Variants in NEU4 observed in about 807,000 individuals in gnomAD.
NEU4 encodes the protein sialidase-4.
NEU4 carries 7 observed loss-of-function variants against 9.9 expected under a neutral mutation model. The observed-to-expected ratio is 0.71, with a 90% CI of 0.40 to 1.33. The LOEUF is 1.33. Among genes scored for constraint, NEU4 ranks in the 40% most tolerant of loss-of-function variants. The pLI, the probability that NEU4 is intolerant of heterozygous loss-of-function variation, is 0.01. For missense variants in NEU4, 717 were observed against 712.6 expected, an observed-to-expected ratio of 1.01 and a Z score of -0.07; for synonymous variants, 348 against 316.9, an observed-to-expected ratio of 1.10 and a Z score of -1.04.
intron 3 of NEU4, chr2:241,815,513 TC>T (rs1018792174): frequency 3.4e-5 from 17 of 504,262 alleles, no homozygotes; most frequent in East Asian, 6.5e-5. Flanking sequence ...CTCTCTCTCA[TC>T]CCCCCCGCTA....
At position 241,817,145 on chromosome 2, in the gene NEU4, T is replaced by G; in HGVS notation, c.*97T>G. On this transcript the variant is annotated 3_prime_UTR_variant, in exon 4 of 4. Transcript: ENST00000407683. ...CGATAGCTGTGGGGGGGGCTCTTAG[T>G]GCAGGATCCTGTGGATTAGAAACAA... is the stretch of plus-strand genomic sequence containing the variant. 4 of 1,307,048 alleles carry G rather than the reference T, an allele frequency of 3.1e-6. No homozygotes were observed. The highest frequency in any genetic ancestry group is 2.0e-6 in the Non-Finnish European group (2 of 980,178). 81.0% of individuals were successfully genotyped at this position (1,307,048 alleles called of 1,614,324 possible).
chr2:241,816,719 A>G lies in NEU4; in HGVS notation c.1126A>G (p.Thr376Ala). 1.3e-6 allele frequency: 2 copies of G among 1,552,626 alleles called. No individual in the cohort carries two copies. Among genetic ancestry groups the G allele is most frequent in the Non-Finnish European group, 1.7e-6 (2 of 1,150,498 alleles). ...MPFAAPPQSP[T>A]WLLYSHPVGR... ...CTTTGCTGCCCCGCCCCAGAGCCCC[A>G]CGTGGCTGCTGTACTCCCACCCAGT... The change falls in exon 4 of 4, where the codon ACG becomes GCG. Residue 376 changes from threonine to alanine, a missense_variant. By Grantham distance (58) the Thr-to-Ala change is moderately conservative (BLOSUM62 0). Transcript: ENST00000407683.
intron 1 of NEU4, chr2:241,811,224 A>G: frequency 3.2e-6 from 4 of 1,243,880 alleles, no homozygotes; most frequent in Non-Finnish European, 3.0e-6. Context: ...TGACCTGCAG[A>G]GGGGAGCCTG....
chr2:241,813,485 T>G, intron 1 of NEU4: 1 of 1,177,812 alleles, frequency 8.5e-7, no homozygotes, highest in Non-Finnish European at 1.1e-6. Context: ...CCGTCTGCCT[T>G]TGTGCGATCA....
At chr2:241,813,819 C>T (rs374136621) in intron 1 of NEU4, 1 of 99,010 alleles carries the variant, frequency 1.0e-5, no homozygotes, top group South Asian at 6.8e-5. Flanking sequence ...AAGTGGGAGC[C>T]GATCCCCTGT....
intron 1 of NEU4, chr2:241,809,513 G>A: frequency 2.9e-6 from 1 of 339,700 alleles, no homozygotes; most frequent in East Asian, 8.7e-5. Flanking sequence ...CCCCTCGGCT[G>A]CCAGAGCTCA....
intron 1 of NEU4, chr2:241,809,740 C>T (rs1700053591): frequency 6.3e-6 from 1 of 159,064 alleles, no homozygotes; most frequent in Admixed American, 5.9e-5. Flanking sequence ...TCTGACTTTT[C>T]AAGAGAAGCT....
Position 241,816,213 on chromosome 2 carries a change from G to A in NEU4, c.620G>A (p.Arg207His), listed in dbSNP as rs544178032. The change falls in exon 4 of 4, where the codon CGC becomes CAC. Residue 207 changes from arginine (R) to histidine (H), a missense_variant. Coordinates refer to ENST00000407683, the MANE Select transcript of NEU4 (RefSeq NM_001167600.3). The part of the protein sequence containing the change: ...SFAFYSDDHG[R>H]TWRCGGLVPN... Reference sequence around the variant, plus strand: ...GCCTTCTACAGCGATGACCACGGCCGCACCTGGCGCTGTGGAGGCCTCGTG... The same window carrying A: ...GCCTTCTACAGCGATGACCACGGCCACACCTGGCGCTGTGGAGGCCTCGTG... The A allele has an allele frequency of 2.0e-5, 32 of 1,612,080 alleles. No individual in the cohort carries two copies. Among genetic ancestry groups the A allele is most frequent in the African/African-American group, 1.3e-4 (10 of 75,036 alleles).
intron 1 of NEU4, among the ~76,000 whole-genome samples, chr2:241,812,648 A>G (rs1208954069): frequency 1.6e-5 from 2 of 125,898 alleles, no homozygotes; most frequent in Non-Finnish European, 3.3e-5. Flanking sequence ...GCCTGGCCAC[A>G]TGGAGGACAC....
intron 1 of NEU4, 129 bp from the exon 2 acceptor site, chr2:241,814,353 C>G: frequency 1.2e-6 from 1 of 853,658 alleles, no homozygotes; most frequent in East Asian, 2.7e-5. Flanking sequence ...AAGGTGGGTA[C>G]AGGAAGAGGC....
chr2:241,814,797 T>A, intron 2 of NEU4, 95 bp from the exon 3 acceptor site: 1 of 1,541,880 alleles, frequency 6.5e-7, no homozygotes, highest in Non-Finnish European at 8.8e-7. Flanking sequence ...GAGGTAGAGA[T>A]GAGCAAACCA....
intron 1 of NEU4, chr2:241,814,013 T>TTCCACGGTGCTGTGGCC (rs1700211826): frequency 2.8e-6 from 1 of 357,842 alleles, no homozygotes; most frequent in Non-Finnish European, 5.8e-6. Flanking sequence ...CTGCTGTGGC[T>TTCCACGGTGCTGTGGCC]TCCACGGTGC....
intron 1 of NEU4, chr2:241,811,248 C>T (rs575646322): frequency 2.2e-5 from 27 of 1,254,298 alleles, no homozygotes; most frequent in Non-Finnish European, 2.5e-5. Flanking sequence ...TGGTCCCGGG[C>T]GTCTGTGTGG....
rs767740217 is a variant in NEU4 at position 241,814,632 on chromosome 2, C to T, written c.148C>T (p.His50Tyr). ...GCAGCGGCTCAGCCCTGACGACTCC[C>T]ACGCCCACCGCCTGGTGCTGAGGAG... The part of the protein sequence containing the change: ...VEQRLSPDDS[H>Y]AHRLVLRRGT... The change falls in exon 2 of 4, where the codon CAC becomes TAC. Residue 50 changes from histidine (H) to tyrosine (Y), a missense_variant. Physicochemically the swap from His to Tyr is moderately conservative, Grantham distance 83. Coordinates refer to ENST00000407683, the MANE Select transcript of NEU4 (RefSeq NM_001167600.3). The T allele has an allele frequency of 1.2e-5, 19 of 1,595,444 alleles. No individual in the cohort carries two copies. Among genetic ancestry groups the T allele is most frequent in the East Asian group, 2.3e-5 (1 of 43,914 alleles).
In NEU4 at chr2:241,814,668, G is replaced by T. The variant is rs1700248117; in HGVS notation, c.184G>T (p.Ala62Ser). 1 of 1,559,822 alleles carries T rather than the reference G, an allele frequency of 6.4e-7. No homozygotes were observed. The highest frequency in any genetic ancestry group is 8.7e-7 in the Non-Finnish European group (1 of 1,154,502). ...CCTGGTGCTGAGGAGGGGCACGCTG[G>T]CCGGGGGCTCCGTGCGGGTGAGTGA... ...HRLVLRRGTL[A>S]GGSVRWGALH... is the part of the protein sequence containing the mutation. Residue 62 changes from alanine to serine, a missense_variant, in exon 2 of 4, where the codon GCC becomes TCC. Transcript: ENST00000407683.
intron 1 of NEU4, among the ~76,000 whole-genome samples, chr2:241,810,220 C>T (rs936659798): frequency 1.3e-5 from 2 of 152,124 alleles, no homozygotes; most frequent in Admixed American, 6.5e-5. Flanking sequence ...GGCCCACAGG[C>T]ACCTCTGGGG....
At chr2:241,814,110 T>C in intron 1 of NEU4, 1 of 565,290 alleles carries the variant, frequency 1.8e-6, no homozygotes, top group Non-Finnish European at 3.5e-6. Flanking sequence ...CTGGGCGAAT[T>C]CTGGGATGAC....
At chr2:241,810,173 T>A (rs765289416) in intron 1 of NEU4, among the ~76,000 whole-genome samples, 48 of 152,220 alleles carry the variant, frequency 3.2e-4, no homozygotes, top group Non-Finnish European at 4.1e-4. Context: ...CTGGACTGGG[T>A]CCGCCCCTCC....
intron 1 of NEU4, chr2:241,810,690 G>A (rs1430246154): frequency 1.3e-5 from 2 of 156,438 alleles, no homozygotes; most frequent in African/African-American, 4.8e-5. Context: ...GGCAGGCTGG[G>A]GGCAGGCCAG....
Sources: gnomAD v4.1 joint callset for allele counts (sites outside exome capture counted in the v4.1 genomes callset) on GRCh38, gnomAD v4.1.1 for gene constraint, MANE v1.5 for transcripts, NCBI Gene and HGNC (gene_info 2026-07-23, HGNC 2026-07-21) for gene names.